The following STIM2 variants were observed in gnomAD, a reference collection of about 807,000 sequenced individuals.
STIM2 encodes the protein stromal interaction molecule 2.
In STIM2, 31 loss-of-function variants were observed where a neutral mutation model predicts 85.8. That is an observed-to-expected ratio of 0.36 (90% CI 0.27 to 0.49). The LOEUF (loss-of-function observed/expected upper bound fraction) is 0.49. STIM2 is among the 20% of genes least tolerant of loss of function. The pLI is 0.98. For synonymous variants in STIM2, 356 were observed against 331.1 expected (o/e 1.08, Z -0.82); for missense variants, 841 against 927.6 (o/e 0.91, Z 1.21).
intron 2 of STIM2, among the ~76,000 whole-genome samples, chr4:26,953,074 G>T (rs145294177): frequency 1.3e-5 from 2 of 152,122 alleles, no homozygotes; most frequent in Non-Finnish European, 2.9e-5. Flanking sequence ...CTTGGACATT[G>T]TGTTGTTTTG....
chr4:26,918,229 T>C (rs1724663777), intron 1 of STIM2, among the ~76,000 whole-genome samples: 1 of 116,410 alleles, frequency 8.6e-6, no homozygotes, highest in South Asian at 3.1e-4. Flanking sequence ...TCAGTTTGAC[T>C]TTTTTTTTTT....
At chr4:26,918,814 A>T (rs374732140) in intron 1 of STIM2, among the ~76,000 whole-genome samples, 9 of 152,336 alleles carry the variant, frequency 5.9e-5, no homozygotes, top group African/African-American at 2.2e-4. Flanking sequence ...GTGAGGATTC[A>T]CATATATTCC....
At chr4:26,934,051 G>A (rs1037821877) in intron 2 of STIM2, among the ~76,000 whole-genome samples, 6 of 151,830 alleles carry the variant, frequency 4.0e-5, no homozygotes, top group African/African-American at 1.2e-4. Context: ...AAAATTAGCC[G>A]GGCGTGGTGG....
In STIM2 at chr4:26,949,071, CTT is replaced by C. The variant is rs1725951355; in HGVS notation, c.283-8537_283-8536del. Among the ~76,000 whole-genome samples, 6 of 152,230 alleles carry C rather than the reference CTT, an allele frequency of 3.9e-5. No individual in the cohort carries two copies. The South Asian group carries it at 1.0e-3, about 26-fold the overall frequency. On this transcript the variant is annotated intron_variant, in intron 2 of 11. Transcript: ENST00000467087. ...CTTCAGTCTTAATCTTCCAATATCACTTTTTACGGACTTAGAATAGAATTGCT... is the reference window on the plus strand; with the variant it reads ...CTTCAGTCTTAATCTTCCAATATCACTTTACGGACTTAGAATAGAATTGCT...
intron 3 of STIM2, among the ~76,000 whole-genome samples, chr4:26,985,376 T>G (rs1024556777): frequency 1.4e-5 from 2 of 147,768 alleles, no homozygotes; most frequent in African/African-American, 2.7e-5. Context: ...GAAACTGAGA[T>G]TTTTTGTAAC....
chr4:26,878,090 A>T (rs1722876606), intron 1 of STIM2, among the ~76,000 whole-genome samples: 1 of 152,172 alleles, frequency 6.6e-6, no homozygotes, highest in Non-Finnish European at 1.5e-5. Context: ...ATATTCTGTT[A>T]TGGCTGCACA....
intron 3 of STIM2, among the ~76,000 whole-genome samples, chr4:26,976,883 A>ACC (rs1727221386): frequency 2.0e-5 from 3 of 152,230 alleles, no homozygotes; most frequent in Non-Finnish European, 2.9e-5. Context: ...ATTGAACAAA[A>ACC]TAGATATTCT....
At chr4:26,889,309 T>G (rs1208236531) in intron 1 of STIM2, among the ~76,000 whole-genome samples, 1 of 152,222 alleles carries the variant, frequency 6.6e-6, no homozygotes, top group Non-Finnish European at 1.5e-5. Flanking sequence ...ACCATTCTAT[T>G]AAGCCAGCTG....
intron 2 of STIM2, among the ~76,000 whole-genome samples, chr4:26,936,747 A>T (rs752881784): frequency 3.4e-4 from 52 of 152,190 alleles, no homozygotes; most frequent in Non-Finnish European, 5.1e-4. Context: ...AAACTTCTGA[A>T]ATCATTTCAT....
intron 3 of STIM2, among the ~76,000 whole-genome samples, chr4:26,985,244 G>GAAAA (rs894009387): frequency 9.2e-5 from 14 of 152,262 alleles, no homozygotes; most frequent in East Asian, 7.7e-4. Context: ...TTTTAGATTT[G>GAAAA]AAAAGTTATT....
chr4:27,011,683 A>AT (rs1728562316), intron 10 of STIM2, among the ~76,000 whole-genome samples: 1 of 152,046 alleles, frequency 6.6e-6, no homozygotes, highest in African/African-American at 2.4e-5. Flanking sequence ...AATTATGAAA[A>AT]TTTTTATTTC....
Position 26,885,851 on chromosome 4 carries a change from ATATATATATATATATATATATATG to A in STIM2, c.151+24488_151+24511del, listed in dbSNP as rs1723212214. On this transcript the variant is annotated intron_variant, in intron 1 of 11. Coordinates refer to ENST00000467087, the MANE Select transcript of STIM2 (RefSeq NM_020860.4). ...TATATATATATATATATATATATAT[ATATATATATATATATATATATATG>A]TATATGTCTATTCATGTAAATATGC... Among the ~76,000 whole-genome samples, 3 of 47,012 alleles carry A rather than the reference ATATATATATATATATATATATATG, an allele frequency of 6.4e-5. No homozygotes were observed. The Admixed American group carries it at 7.1e-4, about 11-fold the overall frequency. 30.8% of individuals were successfully genotyped at this position (47,012 alleles called of 152,430 possible). A position where few individuals can be genotyped will look rare whatever the true frequency, so the allele number is the denominator to read the frequency against.
chr4:26,915,344 C>T (rs1724497068), intron 1 of STIM2, among the ~76,000 whole-genome samples: 1 of 152,152 alleles, frequency 6.6e-6, no homozygotes, highest in Non-Finnish European at 1.5e-5. Context: ...AAGCGATTCT[C>T]CTGTCTCAGC....
chr4:27,007,036 A>T (rs548083581), intron 7 of STIM2, among the ~76,000 whole-genome samples: 6 of 152,366 alleles, frequency 3.9e-5, no homozygotes, highest in African/African-American at 1.4e-4. Flanking sequence ...AAGGAGCTAC[A>T]GTAGGCTCTT....
chr4:26,947,036 G>A (rs1725857682), intron 2 of STIM2, among the ~76,000 whole-genome samples: 1 of 152,192 alleles, frequency 6.6e-6, no homozygotes, highest in South Asian at 2.1e-4. Flanking sequence ...ATTATCATAA[G>A]TGAGGAGCTA....
chr4:26,861,405 G>T (rs957936788), intron 1 of STIM2, 36 bp downstream of exon 1: 1 of 1,282,490 alleles, frequency 7.8e-7, no homozygotes. Context: ...GGGCTCGGCC[G>T]GCAGCGATGG....
At chr4:27,020,447 T>G (rs1218399630) in intron 11 of STIM2, among the ~76,000 whole-genome samples, 3 of 152,204 alleles carry the variant, frequency 2.0e-5, no homozygotes, top group Non-Finnish European at 4.4e-5. Flanking sequence ...CACTACCCAT[T>G]ATTGAATTAT....
At chr4:26,957,170 T>C (rs572562814) in intron 2 of STIM2, among the ~76,000 whole-genome samples, 4 of 152,186 alleles carry the variant, frequency 2.6e-5, no homozygotes, top group Non-Finnish European at 5.9e-5. Flanking sequence ...TAATACAGTG[T>C]AAATGCTATG....
chr4:26,885,190 A>G (rs1723169989), intron 1 of STIM2, among the ~76,000 whole-genome samples: 1 of 152,118 alleles, frequency 6.6e-6, no homozygotes, highest in Admixed American at 6.5e-5. Flanking sequence ...TTGCTGTAAT[A>G]TCTAGTTTTC....
Sources: allele counts gnomAD v4.1 joint callset (sites outside exome capture counted in the v4.1 genomes callset), GRCh38; gene constraint gnomAD v4.1.1; transcripts MANE v1.5; gene names NCBI Gene and HGNC (gene_info 2026-07-23, HGNC 2026-07-21).